Variants in MALRD1 observed in about 807,000 individuals in gnomAD.
MALRD1 encodes the protein MAM and LDL receptor class A domain containing 1.
Under a neutral mutation model 242.1 loss-of-function variants are expected in MALRD1, and 247 were observed. That is an observed-to-expected ratio of 1.02 (90% CI 0.92 to 1.13). MALRD1 has a LOEUF of 1.13. Among genes scored for constraint, MALRD1 ranks in the 50% most tolerant of loss-of-function variants. MALRD1 has a pLI of 0.00. For missense variants in MALRD1, 2,989 were observed against 2,533.1 expected (o/e 1.18, Z -3.86); for synonymous variants, 995 against 866.6 (o/e 1.15, Z -2.60).
At chr10:19,206,141 T>C (rs1367994655) in intron 17 of MALRD1, among the ~76,000 whole-genome samples, 1 of 151,696 alleles carries the variant, frequency 6.6e-6, no homozygotes, top group African/African-American at 2.4e-5. Context: ...TGTATTAAAT[T>C]TATGTTCATG....
At chr10:19,687,266 C>T (rs1338444036) in intron 36 of MALRD1, among the ~76,000 whole-genome samples, 1 of 152,124 alleles carries the variant, frequency 6.6e-6, no homozygotes, top group Non-Finnish European at 1.5e-5. Flanking sequence ...TTGCATTCAG[C>T]CTTGTGTAGT....
At chr10:19,703,229 T>A (rs150578922) in intron 38 of MALRD1, among the ~76,000 whole-genome samples, 5 of 152,216 alleles carry the variant, frequency 3.3e-5, no homozygotes, top group Non-Finnish European at 1.5e-5. Context: ...GAATTCTTCA[T>A]CTGCCTCTCA....
intron 1 of MALRD1, 59 bp downstream of exon 1, chr10:19,049,196 T>G: frequency 8.3e-7 from 1 of 1,211,634 alleles, no homozygotes; most frequent in Non-Finnish European, 1.0e-6. Context: ...AACGAGGGCC[T>G]CTGAGCAGTC....
chr10:19,450,377 A>T lies in MALRD1; in HGVS notation c.4916A>T (p.Asp1639Val), dbSNP rs1191762620. 2 of 1,550,062 alleles carry T rather than the reference A, an allele frequency of 1.3e-6. No homozygotes were observed. The highest frequency in any genetic ancestry group is 2.7e-5 in the African/African-American group (2 of 73,046). ...QNPGNHWQKA[D>V]ILLGKLRNFE... ...CCTGGTAATCATTGGCAAAAGGCTGACATCCTGCTAGGAAAGTTAAGGAAT... is the reference window on the plus strand; with the variant it reads ...CCTGGTAATCATTGGCAAAAGGCTGTCATCCTGCTAGGAAAGTTAAGGAAT... Residue 1639 changes from aspartate (D) to valine (V), a missense_variant, in exon 29 of 40, where the codon GAC (aspartate) becomes GTC (valine). Coordinates refer to ENST00000454679, the MANE Select transcript of MALRD1 (RefSeq NM_001142308.3).
At chr10:19,279,237 T>C (rs1259118386) in intron 19 of MALRD1, among the ~76,000 whole-genome samples, 2 of 152,180 alleles carry the variant, frequency 1.3e-5, no homozygotes, top group East Asian at 3.9e-4. Context: ...CTTGTTTTTG[T>C]GATTGTTGTT....
chr10:19,164,674 T>A (rs1481404590), intron 12 of MALRD1, among the ~76,000 whole-genome samples: 1 of 152,124 alleles, frequency 6.6e-6, no homozygotes, highest in African/African-American at 2.4e-5. Context: ...GGGAATTAAT[T>A]TTTGCCTCAT....
At chr10:19,418,373 C>G (rs563324430) in intron 28 of MALRD1, among the ~76,000 whole-genome samples, 1 of 151,894 alleles carries the variant, frequency 6.6e-6, no homozygotes, top group Admixed American at 6.6e-5. Context: ...TCAAGCTAAT[C>G]TCTTTTTAGG....
At chr10:19,365,143 A>T (rs567915210) in intron 26 of MALRD1, among the ~76,000 whole-genome samples, 3 of 152,294 alleles carry the variant, frequency 2.0e-5, no homozygotes, top group African/African-American at 7.2e-5. Context: ...AAATATATTT[A>T]ATTTAAAATG....
intron 32 of MALRD1, among the ~76,000 whole-genome samples, chr10:19,549,254 C>G (rs575671989): frequency 6.6e-6 from 1 of 152,300 alleles, no homozygotes; most frequent in Admixed American, 6.5e-5. Flanking sequence ...CAAAGTGAAG[C>G]AGAAAGTGCT....
intron 19 of MALRD1, among the ~76,000 whole-genome samples, chr10:19,272,103 A>G (rs2131851450): frequency 6.6e-6 from 1 of 152,272 alleles, no homozygotes; most frequent in Non-Finnish European, 1.5e-5. Flanking sequence ...TTAGATTATA[A>G]TCATAGATAA....
chr10:19,086,516 C>T (rs1835674003), intron 2 of MALRD1, among the ~76,000 whole-genome samples: 1 of 152,056 alleles, frequency 6.6e-6, no homozygotes, highest in Admixed American at 6.6e-5. Context: ...GGCTTCTAAA[C>T]CATGAGAGTC....
intron 31 of MALRD1, among the ~76,000 whole-genome samples, chr10:19,529,431 G>T (rs1834240166): frequency 6.6e-6 from 1 of 150,900 alleles, no homozygotes; most frequent in Non-Finnish European, 1.5e-5. Context: ...TTCAAAGTCA[G>T]TCCCTAGAAA....
chr10:19,482,573 A>G (rs1331632466), intron 29 of MALRD1, among the ~76,000 whole-genome samples: 1 of 151,522 alleles, frequency 6.6e-6, no homozygotes, highest in Non-Finnish European at 1.5e-5. Flanking sequence ...AACAATGTGC[A>G]AAAAATAGTA....
At chr10:19,169,208 C>T (rs1284930212) in intron 13 of MALRD1, among the ~76,000 whole-genome samples, 6 of 151,998 alleles carry the variant, frequency 3.9e-5, no homozygotes, top group Non-Finnish European at 8.8e-5. Flanking sequence ...TAAACACTCT[C>T]GGTGTTATGT....
intron 19 of MALRD1, among the ~76,000 whole-genome samples, chr10:19,277,012 C>G (rs1421360836): frequency 6.6e-6 from 1 of 152,028 alleles, no homozygotes; most frequent in Non-Finnish European, 1.5e-5. Context: ...CTCAACCTCC[C>G]CAACTCAAGT....
intron 19 of MALRD1, among the ~76,000 whole-genome samples, chr10:19,260,044 T>C (rs1486709484): frequency 2.0e-5 from 3 of 152,180 alleles, no homozygotes; most frequent in African/African-American, 7.2e-5. Flanking sequence ...GTTGGATGGA[T>C]AAGTAGGTAG....
intron 4 of MALRD1, among the ~76,000 whole-genome samples, chr10:19,098,630 T>C (rs1231386940): frequency 6.6e-6 from 1 of 152,164 alleles, no homozygotes; most frequent in African/African-American, 2.4e-5. Flanking sequence ...AGAAAACTCT[T>C]ACATAATACA....
At chr10:19,590,745 C>G (rs891543798) in intron 33 of MALRD1, among the ~76,000 whole-genome samples, 9 of 151,792 alleles carry the variant, frequency 5.9e-5, no homozygotes, top group African/African-American at 2.2e-4. Flanking sequence ...ACTTTATATT[C>G]TACAGCAGTT....
intron 21 of MALRD1, among the ~76,000 whole-genome samples, chr10:19,323,593 T>C (rs1428524236): frequency 6.6e-6 from 1 of 152,142 alleles, no homozygotes; most frequent in Non-Finnish European, 1.5e-5. Context: ...AGTGACAAAC[T>C]GTACTATGTT....
Sources: allele counts gnomAD v4.1 joint callset (sites outside exome capture counted in the v4.1 genomes callset), GRCh38; gene constraint gnomAD v4.1.1; transcripts MANE v1.5; gene names NCBI Gene and HGNC (gene_info 2026-07-23, HGNC 2026-07-21).